LRBA: variants seen among roughly 807,000 people sequenced by gnomAD.
The protein encoded by LRBA is LPS responsive beige-like anchor protein.
LRBA carries 176 observed loss-of-function variants against 330.0 expected under a neutral mutation model. The ratio of observed to expected loss-of-function variants is 0.53; its 90% confidence interval spans 0.47 to 0.60. LRBA has a LOEUF of 0.60. LRBA is among the 20% of genes least tolerant of loss of function. The pLI is 0.00. For missense variants in LRBA, 3,259 were observed against 3,444.8 expected (o/e 0.95, Z 1.35); for synonymous variants, 1,230 against 1,193.0 (o/e 1.03, Z -0.64).
intron 38 of LRBA, among the ~76,000 whole-genome samples, chr4:150,591,686 C>T (rs1279720194): frequency 6.6e-6 from 1 of 152,054 alleles, no homozygotes; most frequent in Non-Finnish European, 1.5e-5. Context: ...ACTGGAGCAG[C>T]TTGTGGAGAG....
At chr4:150,845,077 C>T (rs1749657779) in intron 26 of LRBA, among the ~76,000 whole-genome samples, 1 of 152,030 alleles carries the variant, frequency 6.6e-6, no homozygotes, top group Non-Finnish European at 1.5e-5. Flanking sequence ...GCTACTATTT[C>T]TTAGATCTCA....
In LRBA at chr4:150,849,559, C is replaced by A. The variant is rs1026263351; in HGVS notation, c.4021G>T (p.Val1341Phe). 6.2e-7 allele frequency: 1 copy of A among 1,612,572 alleles called. No homozygotes were observed. The highest frequency in any genetic ancestry group is 8.5e-7 in the Non-Finnish European group (1 of 1,178,988). ...TCACTGCTATTCACGAAGTCCATAA[C>A]TGTCTTTGTTGAATGGCTGTCCAAA... ...QMWRSHSTKT[V>F]MDFVNSSDNV... The change falls in exon 25 of 57, where the codon GTT (valine) becomes TTT (phenylalanine). Residue 1341 changes from valine (V) to phenylalanine (F), a missense_variant. By Grantham distance (50) the Val-to-Phe change is conservative. Transcript: ENST00000651943.
chr4:150,769,424 T>C (rs913508233), intron 34 of LRBA, among the ~76,000 whole-genome samples: 23 of 152,068 alleles, frequency 1.5e-4, no homozygotes, highest in African/African-American at 5.3e-4. Flanking sequence ...AGTGCCAATA[T>C]CTACAGGATG....
At chr4:150,395,235 C>G (rs910435304) in intron 47 of LRBA, among the ~76,000 whole-genome samples, 1 of 152,098 alleles carries the variant, frequency 6.6e-6, no homozygotes, top group Non-Finnish European at 1.5e-5. Context: ...AATATATTTA[C>G]TGTAACATGT....
At chr4:150,491,357 A>G (rs2152104727) in intron 40 of LRBA, among the ~76,000 whole-genome samples, 1 of 152,190 alleles carries the variant, frequency 6.6e-6, no homozygotes, top group South Asian at 2.1e-4. Context: ...TATGAAAAGT[A>G]AAACTTCAGA....
chr4:150,922,821 C>T (rs1273935640), intron 4 of LRBA, among the ~76,000 whole-genome samples: 1 of 151,956 alleles, frequency 6.6e-6, no homozygotes, highest in Non-Finnish European at 1.5e-5. Context: ...TTCAAAAACA[C>T]TAAAATATTT....
chr4:150,603,370 T>C (rs1222283862), intron 37 of LRBA, among the ~76,000 whole-genome samples: 10 of 152,222 alleles, frequency 6.6e-5, no homozygotes. Context: ...ATATACGTCA[T>C]CTAATTATGT....
chr4:150,652,166 G>C (rs1265356119), intron 37 of LRBA, among the ~76,000 whole-genome samples: 2 of 152,058 alleles, frequency 1.3e-5, no homozygotes, highest in South Asian at 2.1e-4. Flanking sequence ...ATACAAGTTA[G>C]GGGAAAATAC....
intron 42 of LRBA, among the ~76,000 whole-genome samples, chr4:150,486,970 T>G (rs879407107): frequency 2.0e-4 from 30 of 151,890 alleles, no homozygotes; most frequent in Admixed American, 3.3e-4. Context: ...CAAGATTTCC[T>G]TCTTTTTAAA....
chr4:150,971,218 T>C (rs535711703), intron 2 of LRBA, among the ~76,000 whole-genome samples: 11 of 152,238 alleles, frequency 7.2e-5, no homozygotes, highest in Non-Finnish European at 1.6e-4. Context: ...CACATTTCCC[T>C]TTCTCTGGTT....
At chr4:150,812,791 G>C (rs922621733) in intron 31 of LRBA, among the ~76,000 whole-genome samples, 2 of 152,080 alleles carry the variant, frequency 1.3e-5, no homozygotes, top group South Asian at 4.1e-4. Flanking sequence ...ATATAAATTA[G>C]TGAACAGTAT....
intron 40 of LRBA, among the ~76,000 whole-genome samples, chr4:150,511,263 T>C (rs1761801589): frequency 6.6e-6 from 1 of 152,190 alleles, no homozygotes; most frequent in Non-Finnish European, 1.5e-5. Context: ...ATAAACACCA[T>C]GTAAGCCAAA....
chr4:150,677,797 C>A, intron 37 of LRBA, among the ~76,000 whole-genome samples: 1 of 141,438 alleles, frequency 7.1e-6, no homozygotes, highest in African/African-American at 2.7e-5. Flanking sequence ...GACAAGATCC[C>A]ATGTCTTAAA....
chr4:150,424,510 T>A (rs559599003), intron 46 of LRBA, among the ~76,000 whole-genome samples: 1 of 152,188 alleles, frequency 6.6e-6, no homozygotes, highest in Non-Finnish European at 1.5e-5. Context: ...CACTTCAGGG[T>A]TGCAGGTGGC....
At chr4:150,404,136 G>A (rs1343354499) in intron 47 of LRBA, among the ~76,000 whole-genome samples, 5 of 152,176 alleles carry the variant, frequency 3.3e-5, no homozygotes, top group Non-Finnish European at 7.3e-5. Context: ...CCAAATTCAT[G>A]CACCATAGAA....
chr4:150,426,704 C>T (rs527284208), intron 46 of LRBA, among the ~76,000 whole-genome samples: 60 of 151,892 alleles, frequency 4.0e-4, no homozygotes, highest in African/African-American at 1.3e-3. Flanking sequence ...AAGCATTTAA[C>T]ATAACTCTAA....
chr4:150,836,846 C>G lies in LRBA; in HGVS notation c.4570-4870G>C, dbSNP rs570840847. 8.8e-4 allele frequency among the ~76,000 whole-genome samples: 134 copies of G among 152,124 alleles called. 2 individuals carry two copies. The highest frequency in any genetic ancestry group is 1.9e-3 in the African/African-American group (77 of 41,542). ...TCTTGCCTTCTGCTAGCTTTTGAAT[C>G]TGTTTGCTCTTGCTTCTCTAATTAT... On this transcript the variant is annotated intron_variant, in intron 28 of 56. Transcript: ENST00000651943.
At chr4:150,743,235 G>A (rs545021870) in intron 35 of LRBA, among the ~76,000 whole-genome samples, 6 of 152,284 alleles carry the variant, frequency 3.9e-5, no homozygotes, top group African/African-American at 1.4e-4. Flanking sequence ...CTTCCAGGGT[G>A]CTGGGATTAC....
intron 18 of LRBA, among the ~76,000 whole-genome samples, chr4:150,871,752 G>A (rs890936520): frequency 6.6e-6 from 1 of 151,586 alleles, no homozygotes; most frequent in Middle Eastern, 3.4e-3. Context: ...TTTATTTAAC[G>A]AAGTTGCTAC....
Sources: gnomAD v4.1 joint callset for allele counts (sites outside exome capture counted in the v4.1 genomes callset) on GRCh38, gnomAD v4.1.1 for gene constraint, MANE v1.5 for transcripts, NCBI Gene and HGNC (gene_info 2026-07-23, HGNC 2026-07-21) for gene names.